ARHGEF4: variants seen among roughly 807,000 people sequenced by gnomAD.
The protein encoded by ARHGEF4 is Rho guanine nucleotide exchange factor 4.
Under a neutral mutation model 162.0 loss-of-function variants are expected in ARHGEF4, and 119 were observed. That is an observed-to-expected ratio of 0.73 (90% confidence interval 0.63 to 0.86). The LOEUF is 0.86. ARHGEF4 is among the 40% of genes least tolerant of loss of function. ARHGEF4 has a pLI of 0.00. For synonymous variants in ARHGEF4, 1,014 were observed against 979.9 expected, an observed-to-expected ratio of 1.03 and a Z score of -0.65; for missense variants, 2,488 against 2,456.0, an observed-to-expected ratio of 1.01 and a Z score of -0.28.
intron 1 of ARHGEF4, among the ~76,000 whole-genome samples, chr2:130,872,818 C>A (rs953260370): frequency 1.3e-5 from 2 of 152,164 alleles, no homozygotes; most frequent in African/African-American, 2.4e-5. Context: ...CCTCACGGGG[C>A]CTTGGTGCAC....
At chr2:130,996,534 T>C (rs1687405278) in intron 4 of ARHGEF4, among the ~76,000 whole-genome samples, 1 of 152,214 alleles carries the variant, frequency 6.6e-6, no homozygotes, top group South Asian at 2.1e-4. Flanking sequence ...CCACATTTTA[T>C]CAATTATTCC....
chr2:130,951,547 C>CACAGT (rs1187682607), intron 4 of ARHGEF4, among the ~76,000 whole-genome samples: 1 of 152,176 alleles, frequency 6.6e-6, no homozygotes, highest in African/African-American at 2.4e-5. Flanking sequence ...CTTCTATGGG[C>CACAGT]ACAGTTCATG....
At chr2:130,928,329 G>A (rs546969228) in intron 2 of ARHGEF4, among the ~76,000 whole-genome samples, 3 of 152,302 alleles carry the variant, frequency 2.0e-5, no homozygotes, top group African/African-American at 7.2e-5. Context: ...GGATTATACC[G>A]GGAAAGAATG....
chr2:131,040,338 G>C lies in ARHGEF4; in HGVS notation c.4560G>C (p.Glu1520Asp). ...TGCGTACCATCTTCGGGAACATCGA[G>C]GACATCTACCGCTGCCAGAAGGCCT... The part of the protein sequence containing the change: ...EQLRTIFGNI[E>D]DIYRCQKAFV... Residue 1520 changes from glutamate to aspartate, a missense_variant, in exon 8 of 14, where the codon GAG becomes GAC. Glu to Asp is a conservative substitution (Grantham distance 45). This residue lies in a region of ARHGEF4 where 415 missense variants were observed against 512.4 expected (regional missense o/e 0.81). Coordinates refer to ENST00000409359, the MANE Select transcript of ARHGEF4 (RefSeq NM_001367493.1). 1 of 1,612,618 alleles carries C rather than the reference G, an allele frequency of 6.2e-7. No individual in the cohort carries two copies. The highest frequency in any genetic ancestry group is 8.5e-7 in the Non-Finnish European group (1 of 1,179,748).
At chr2:130,947,611 A>G (rs1232356632) in intron 4 of ARHGEF4, among the ~76,000 whole-genome samples, 1 of 152,158 alleles carries the variant, frequency 6.6e-6, no homozygotes, top group Non-Finnish European at 1.5e-5. Flanking sequence ...GGCAGCCTGT[A>G]TGAGTCCTTT....
chr2:130,868,645 C>T (rs914008316), intron 1 of ARHGEF4, among the ~76,000 whole-genome samples: 3 of 152,156 alleles, frequency 2.0e-5, no homozygotes, highest in African/African-American at 7.2e-5. Context: ...TAGGACTTTG[C>T]AAACATTCTA....
intron 1 of ARHGEF4, among the ~76,000 whole-genome samples, chr2:130,881,771 A>G (rs531444140): frequency 6.6e-6 from 1 of 152,236 alleles, no homozygotes; most frequent in Admixed American, 6.5e-5. Context: ...TCCAGAGCAG[A>G]TGGTGATGCC....
chr2:130,986,951 G>A (rs898692833), intron 4 of ARHGEF4, among the ~76,000 whole-genome samples: 3 of 152,190 alleles, frequency 2.0e-5, no homozygotes, highest in African/African-American at 4.8e-5. Flanking sequence ...CCACAATCTC[G>A]CCCTGAAAAT....
At chr2:130,953,317 T>C (rs1367104202) in intron 4 of ARHGEF4, among the ~76,000 whole-genome samples, 2 of 152,220 alleles carry the variant, frequency 1.3e-5, no homozygotes, top group Admixed American at 1.3e-4. Flanking sequence ...AAGGATTCCC[T>C]ATTTAATAAA....
intron 1 of ARHGEF4, among the ~76,000 whole-genome samples, chr2:130,874,294 G>T (rs1216131730): frequency 6.6e-6 from 1 of 152,200 alleles, no homozygotes; most frequent in East Asian, 1.9e-4. Context: ...TTCCTCATGT[G>T]TTGGGAAAAC....
rs771323502 is a variant in ARHGEF4, at chr2:130,930,992, G to A, written c.3593G>A (p.Ser1198Asn). 7 of 1,612,572 alleles carry A rather than the reference G, an allele frequency of 4.3e-6. No homozygotes were observed. In the Admixed American group the frequency reaches 1.2e-4, roughly 27 times the overall value. Residue 1198 changes from serine to asparagine, a missense_variant, in exon 3 of 14, where the codon AGT becomes AAT. Physicochemically the swap from Ser to Asn is conservative, Grantham distance 46. This residue lies in a region of ARHGEF4 where 1,642 missense variants were observed against 1,481.5 expected (regional missense o/e 1.11). Coordinates refer to ENST00000409359, the MANE Select transcript of ARHGEF4 (RefSeq NM_001367493.1). The part of the protein sequence containing the change: ...PWEEPAGEKP[S>N]CSHSQKAFHM... ...GAAGAACCAGCAGGTGAGAAGCCCA[G>A]TTGCTCTCACAGTCAGAAGGCGTTC...
At chr2:130,917,838 T>G (rs1337693790) in intron 2 of ARHGEF4, among the ~76,000 whole-genome samples, 13 of 87,866 alleles carry the variant, frequency 1.5e-4, no homozygotes, top group African/African-American at 5.9e-4. Context: ...TTTTTTTTTT[T>G]TTGAGACGGA....
At chr2:130,867,246 T>TA (rs1682349678) in intron 1 of ARHGEF4, among the ~76,000 whole-genome samples, 1 of 151,240 alleles carries the variant, frequency 6.6e-6, no homozygotes, top group African/African-American at 2.4e-5. Context: ...ATTATTATTT[T>TA]TTTTTTTTAA....
intron 4 of ARHGEF4, among the ~76,000 whole-genome samples, chr2:131,022,334 AC>A (rs1167123801): frequency 6.6e-6 from 1 of 152,016 alleles, no homozygotes; most frequent in Non-Finnish European, 1.5e-5. Context: ...CAATTTCCCT[AC>A]CAATTATAGA....
intron 4 of ARHGEF4, among the ~76,000 whole-genome samples, chr2:131,026,142 A>G (rs1298141931): frequency 1.3e-5 from 2 of 152,232 alleles, no homozygotes; most frequent in East Asian, 3.8e-4. Context: ...AGGACTGCCC[A>G]TTCCATGAAT....
intron 4 of ARHGEF4, among the ~76,000 whole-genome samples, chr2:130,987,163 AC>A (rs1686569007): frequency 1.3e-5 from 2 of 152,292 alleles, no homozygotes; most frequent in South Asian, 4.1e-4. Context: ...ACTGCCTGGT[AC>A]CACACACCAT....
At chr2:130,931,377 C>A in intron 3 of ARHGEF4, 120 bp downstream of exon 3, 2 of 1,135,426 alleles carry the variant, frequency 1.8e-6, no homozygotes, top group Non-Finnish European at 2.5e-6. Context: ...TCACCCTGGG[C>A]CCCCTTGGAT....
intron 5 of ARHGEF4, chr2:131,035,323 C>T (rs1690180000): frequency 1.7e-6 from 2 of 1,167,178 alleles, no homozygotes; most frequent in Non-Finnish European, 2.1e-6. Flanking sequence ...CCAGCCGTTG[C>T]CACCCGCGGC....
intron 1 of ARHGEF4, among the ~76,000 whole-genome samples, chr2:130,907,701 C>A (rs1008494374): frequency 6.6e-6 from 1 of 151,860 alleles, no homozygotes; most frequent in Non-Finnish European, 1.5e-5. Flanking sequence ...CGCCTGTAAT[C>A]CCAGCACTTT....
Sources: allele counts gnomAD v4.1 joint callset (sites outside exome capture counted in the v4.1 genomes callset), GRCh38; gene constraint gnomAD v4.1.1; regional missense constraint gnomAD v4.1.1; transcripts MANE v1.5; gene names NCBI Gene and HGNC (gene_info 2026-07-23, HGNC 2026-07-21).